Variants in NTRK2 observed in about 807,000 individuals in gnomAD.
NTRK2 encodes the protein BDNF/NT-3 growth factors receptor.
In NTRK2, 13 loss-of-function variants were observed where a neutral mutation model predicts 94.5. The ratio of observed to expected loss-of-function variants is 0.14; its 90% CI spans 0.09 to 0.22. NTRK2 has a LOEUF of 0.22. Among genes scored for constraint, NTRK2 ranks in the 10% least tolerant of loss-of-function variants. The pLI is 1.00. For missense variants in NTRK2, 639 were observed against 1,071.2 expected (o/e 0.60, Z 5.63); for synonymous variants, 372 against 407.4 (o/e 0.91, Z 1.05).
chr9:84,793,259 G>T (rs1008246652), intron 12 of NTRK2, among the ~76,000 whole-genome samples: 1 of 150,844 alleles, frequency 6.6e-6, no homozygotes, highest in Non-Finnish European at 1.5e-5. Flanking sequence ...TGAGAACAGA[G>T]GTGCCTGTGA....
At chr9:84,809,776 G>A (rs780600894) in intron 12 of NTRK2, among the ~76,000 whole-genome samples, 6 of 151,550 alleles carry the variant, frequency 4.0e-5, no homozygotes, top group Non-Finnish European at 7.4e-5. Context: ...CAGCTACTTG[G>A]GAGGCTGAGG....
intron 13 of NTRK2, among the ~76,000 whole-genome samples, chr9:84,866,140 A>G (rs961079717): frequency 6.6e-6 from 1 of 152,238 alleles, no homozygotes; most frequent in Non-Finnish European, 1.5e-5. Flanking sequence ...TAACTTTGCC[A>G]TGGGATTGAT....
chr9:85,007,583 C>G (rs1456039102), intron 17 of NTRK2, among the ~76,000 whole-genome samples: 1 of 152,096 alleles, frequency 6.6e-6, no homozygotes, highest in Non-Finnish European at 1.5e-5. Flanking sequence ...GAAGATTTCT[C>G]AAAATGGAGG....
In NTRK2 at chr9:84,669,994, C is replaced by T. The variant is rs1338393186; in HGVS notation, c.-373+106C>T. On this transcript the variant is annotated intron_variant, in intron 1 of 18. Coordinates refer to ENST00000277120, the MANE Select transcript of NTRK2 (RefSeq NM_006180.6). The surrounding 1 kb of genome is among the most constrained non-coding windows in gnomAD (Gnocchi z 4.1). ...GGACGTGCCGCGCCACCTGCCCGCG[C>T]CACCGGCACCCAGCGGCCGTGGCGG... 1.3e-5 allele frequency: 2 copies of T among 155,010 alleles called. No homozygotes were observed. Among genetic ancestry groups the T allele is most frequent in the Non-Finnish European group, 2.9e-5 (2 of 69,622 alleles). 9.6% of individuals were successfully genotyped at this position (155,010 alleles called of 1,614,324 possible).
At chr9:84,997,829 G>T (rs1829926360) in intron 17 of NTRK2, among the ~76,000 whole-genome samples, 1 of 152,156 alleles carries the variant, frequency 6.6e-6, no homozygotes. Flanking sequence ...AAGAGATATG[G>T]AGTCTTGTGG....
intron 12 of NTRK2, among the ~76,000 whole-genome samples, chr9:84,761,877 T>C (rs1022028151): frequency 6.6e-6 from 1 of 152,204 alleles, no homozygotes; most frequent in Non-Finnish European, 1.5e-5. Context: ...GGTTTGGCTA[T>C]GTCCCCACCC....
intron 12 of NTRK2, 141 bp from the exon 13 acceptor site, chr9:84,860,899 A>T: frequency 1.2e-5 from 1 of 82,808 alleles, no homozygotes; most frequent in Non-Finnish European, 2.6e-5. Context: ...TTGTTTATTT[A>T]TTTATTTATT....
intron 11 of NTRK2, among the ~76,000 whole-genome samples, chr9:84,745,405 T>C (rs2063981398): frequency 1.3e-5 from 2 of 152,178 alleles, no homozygotes; most frequent in Non-Finnish European, 2.9e-5. Flanking sequence ...AAATTTTTAA[T>C]ATAATTTTGA....
Position 84,670,795 on chromosome 9 carries a change from G to C in NTRK2, c.47G>C (p.Trp16Ser). The C allele has an allele frequency of 6.2e-7, 1 of 1,614,074 alleles. No individual in the cohort carries two copies. The highest frequency in any genetic ancestry group is 8.5e-7 in the Non-Finnish European group (1 of 1,180,046). Reference protein sequence around the residue: ...RWHGPAMARLWGFCWLVVGFW... With the variant: ...RWHGPAMARLSGFCWLVVGFW... ...CATGGACCCGCCATGGCGCGGCTCT[G>C]GGGCTTCTGCTGGCTGGTTGTGGGC... Residue 16 changes from tryptophan (W) to serine (S), a missense_variant, in exon 2 of 19, where the codon TGG (tryptophan) becomes TCG (serine). Around this residue, in one of 5 missense-constraint regions of NTRK2, gnomAD observed 206 missense variants for 251.5 expected, o/e 0.82. Transcript: ENST00000277120.
intron 12 of NTRK2, among the ~76,000 whole-genome samples, chr9:84,796,105 G>T (rs1336245820): frequency 6.6e-6 from 1 of 152,086 alleles, no homozygotes; most frequent in Admixed American, 6.6e-5. Flanking sequence ...AATAAAAACA[G>T]CAACCACTTA....
intron 12 of NTRK2, among the ~76,000 whole-genome samples, chr9:84,785,055 A>G (rs1444611174): frequency 3.9e-5 from 6 of 152,230 alleles, no homozygotes; most frequent in Non-Finnish European, 7.3e-5. Context: ...CCAGAGAGTC[A>G]TAAATTCTAT....
At chr9:84,873,936 C>T in intron 14 of NTRK2, 12 of 1,062,986 alleles carry the variant, frequency 1.1e-5, no homozygotes, top group Non-Finnish European at 1.4e-5. Context: ...GTGTTTACTC[C>T]CTCATCATCG....
chr9:84,976,263 C>G (rs758350919), intron 17 of NTRK2, among the ~76,000 whole-genome samples: 10 of 152,208 alleles, frequency 6.6e-5, no homozygotes, highest in South Asian at 2.1e-4. Context: ...GGCTTGCAGA[C>G]GGCCACCTTC....
At chr9:84,685,623 CTTTG>C (rs1267343280) in intron 2 of NTRK2, among the ~76,000 whole-genome samples, 1 of 152,132 alleles carries the variant, frequency 6.6e-6, no homozygotes, top group East Asian at 1.9e-4. Flanking sequence ...ATGCCTCTAC[CTTTG>C]TTTGATGCCA....
At chr9:84,967,743 G>A (rs995975857) in intron 17 of NTRK2, among the ~76,000 whole-genome samples, 1 of 152,236 alleles carries the variant, frequency 6.6e-6, no homozygotes, top group African/African-American at 2.4e-5. Context: ...GGGAGGATTT[G>A]AGGCTCATGC....
chr9:84,934,410 G>A lies in NTRK2; in HGVS notation c.1764+118G>A, dbSNP rs190165257. ...GGAGTAAATTGTTCCTGCTATGATGGATGTATTCAAATTCCTTTAAACTAA... is the reference window on the plus strand; with the variant it reads ...GGAGTAAATTGTTCCTGCTATGATGAATGTATTCAAATTCCTTTAAACTAA... On this transcript the variant is annotated intron_variant, in intron 15 of 18. Transcript: ENST00000277120. 1.3e-4 allele frequency: 140 copies of A among 1,069,546 alleles called. 1 individual carries two copies. In the African/African-American group the frequency reaches 2.1e-3, roughly 16 times the overall value. The allele number at this position is 1,069,546 out of a possible 1,614,324, so 66.3% of individuals were successfully genotyped here. A position where few individuals can be genotyped will look rare whatever the true frequency, so the allele number is the denominator to read the frequency against.
chr9:84,937,901 C>T (rs2078266537), intron 15 of NTRK2, among the ~76,000 whole-genome samples: 1 of 152,132 alleles, frequency 6.6e-6, no homozygotes, highest in South Asian at 2.1e-4. Context: ...TTGATTTTTG[C>T]TTTTTAAATA....
intron 17 of NTRK2, among the ~76,000 whole-genome samples, chr9:84,960,787 T>C (rs1824821538): frequency 6.6e-6 from 1 of 152,250 alleles, no homozygotes; most frequent in African/African-American, 2.4e-5. Flanking sequence ...AACTGGCTCA[T>C]ATCTATGTCT....
At chr9:85,010,847 G>A (rs1831482953) in intron 17 of NTRK2, among the ~76,000 whole-genome samples, 3 of 152,102 alleles carry the variant, frequency 2.0e-5, no homozygotes, top group South Asian at 4.1e-4. Flanking sequence ...AATTATAATC[G>A]CTTCTAAAAC....
Sources: gnomAD v4.1 joint callset for allele counts (sites outside exome capture counted in the v4.1 genomes callset) on GRCh38, gnomAD v4.1.1 for gene constraint, gnomAD v4.1.1 regional missense constraint, Gnocchi (gnomAD v3.1) non-coding constraint, MANE v1.5 for transcripts, NCBI Gene and HGNC (gene_info 2026-07-23, HGNC 2026-07-21) for gene names.